Variants in ST6GALNAC3 observed in about 807,000 individuals in gnomAD.
ST6GALNAC3 encodes ST6 N-acetylgalactosaminide alpha-2,6-sialyltransferase 3, also known as alpha-N-acetylgalactosaminide alpha-2,6-sialyltransferase 3.
ST6GALNAC3 carries 25 observed loss-of-function variants against 32.7 expected under a neutral mutation model. That is an observed-to-expected ratio of 0.76 (90% CI 0.56 to 1.07). The LOEUF (loss-of-function observed/expected upper bound fraction) is 1.07. Ranked by LOEUF, ST6GALNAC3 falls within the 50% of genes least tolerant of loss-of-function variation. The pLI is 0.00. For missense variants in ST6GALNAC3, 355 were observed against 382.4 expected (o/e 0.93, Z 0.60); for synonymous variants, 129 against 133.1 (o/e 0.97, Z 0.21).
rs1649308289 is a variant in ST6GALNAC3 at position 76,631,703 on chromosome 1, A to G, written c.*2897A>G. On this transcript the variant is annotated 3_prime_UTR_variant, in exon 5 of 5. Transcript: ENST00000328299. Reference sequence around the variant, plus strand: ...ATTAATATCTGTGAAAAATAAAAATATTTCAATACTATCCGTGCTTCTTGG... The same window carrying G: ...ATTAATATCTGTGAAAAATAAAAATGTTTCAATACTATCCGTGCTTCTTGG... The G allele has an allele frequency of 6.6e-6, 1 of 152,106 alleles. No individual in the cohort carries two copies. The allele number at this position is 152,106 out of a possible 1,614,324, so 9.4% of individuals were successfully genotyped here. A position where few individuals can be genotyped will look rare whatever the true frequency, so the allele number is the denominator to read the frequency against.
At chr1:76,159,406 A>G (rs1194173421) in intron 1 of ST6GALNAC3, among the ~76,000 whole-genome samples, 1 of 151,980 alleles carries the variant, frequency 6.6e-6, no homozygotes, top group East Asian at 1.9e-4. Flanking sequence ...CTGGTCTCGA[A>G]CTCCTAGCCT....
At chr1:76,368,332 G>A (rs1441132846) in intron 2 of ST6GALNAC3, among the ~76,000 whole-genome samples, 3 of 152,188 alleles carry the variant, frequency 2.0e-5, no homozygotes, top group Non-Finnish European at 2.9e-5. Context: ...ATCCTTTAAG[G>A]TGTGGTATCT....
intron 3 of ST6GALNAC3, among the ~76,000 whole-genome samples, chr1:76,616,331 T>G (rs1173084456): frequency 6.6e-6 from 1 of 152,228 alleles, no homozygotes; most frequent in Non-Finnish European, 1.5e-5. Flanking sequence ...TTTTTAGAAC[T>G]GAAATTCCTT....
chr1:76,089,940 A>G (rs976005900), intron 1 of ST6GALNAC3, among the ~76,000 whole-genome samples: 2 of 152,246 alleles, frequency 1.3e-5, no homozygotes, highest in African/African-American at 4.8e-5. Flanking sequence ...TCCCCATTTT[A>G]TAAATGGAGA....
At chr1:76,088,176 C>G (rs2100740321) in intron 1 of ST6GALNAC3, among the ~76,000 whole-genome samples, 2 of 152,074 alleles carry the variant, frequency 1.3e-5, no homozygotes, top group South Asian at 4.2e-4. Context: ...GTTAAAGTTA[C>G]AAAACTATTC....
At chr1:76,282,860 C>G (rs1044036304) in intron 1 of ST6GALNAC3, among the ~76,000 whole-genome samples, 18 of 123,912 alleles carry the variant, frequency 1.5e-4, no homozygotes, top group Non-Finnish European at 2.7e-4. Flanking sequence ...GACATCCCAT[C>G]TCTACTAAAA....
intron 1 of ST6GALNAC3, among the ~76,000 whole-genome samples, chr1:76,122,222 A>G (rs1369705053): frequency 6.6e-6 from 1 of 152,194 alleles, no homozygotes; most frequent in Non-Finnish European, 1.5e-5. Context: ...TAAGAGCTCA[A>G]TGAGTATGTA....
intron 3 of ST6GALNAC3, among the ~76,000 whole-genome samples, chr1:76,599,174 CTCTT>C (rs1391921878): frequency 6.6e-6 from 1 of 151,458 alleles, no homozygotes; most frequent in African/African-American, 2.4e-5. Flanking sequence ...AATAAATTCT[CTCTT>C]GTAATTTTCT....
intron 1 of ST6GALNAC3, among the ~76,000 whole-genome samples, chr1:76,094,694 G>T (rs1647099120): frequency 1.3e-5 from 2 of 152,172 alleles, no homozygotes; most frequent in African/African-American, 4.8e-5. Flanking sequence ...TTGTTCTAAT[G>T]GAAGTGTGGC....
intron 3 of ST6GALNAC3, chr1:76,577,293 A>G (rs1646826824): frequency 2.0e-6 from 2 of 988,946 alleles, no homozygotes; most frequent in African/African-American, 3.5e-5. Flanking sequence ...TGTTTTGTAG[A>G]AAAGGCCATG....
chr1:76,452,943 A>G (rs762504728), intron 3 of ST6GALNAC3, among the ~76,000 whole-genome samples: 1 of 151,992 alleles, frequency 6.6e-6, no homozygotes, highest in Non-Finnish European at 1.5e-5. Context: ...TTTGATTACC[A>G]TTTCAGTCTT....
At chr1:76,128,042 A>G (rs1045490444) in intron 1 of ST6GALNAC3, among the ~76,000 whole-genome samples, 3 of 152,110 alleles carry the variant, frequency 2.0e-5, no homozygotes, top group Non-Finnish European at 4.4e-5. Flanking sequence ...CAGGCTGCCA[A>G]TCCCAGGTGG....
intron 3 of ST6GALNAC3, among the ~76,000 whole-genome samples, chr1:76,470,474 T>C (rs778285453): frequency 4.7e-4 from 72 of 152,262 alleles, no homozygotes; most frequent in Admixed American, 1.3e-3. Context: ...ATTCATTAAA[T>C]GAAACTCTTA....
chr1:76,232,414 G>C (rs951239211), intron 1 of ST6GALNAC3, among the ~76,000 whole-genome samples: 2 of 150,760 alleles, frequency 1.3e-5, no homozygotes, highest in African/African-American at 4.9e-5. Flanking sequence ...GTCCAGATGG[G>C]CAAATTGGGT....
At chr1:76,611,613 C>G (rs1647937951) in intron 3 of ST6GALNAC3, among the ~76,000 whole-genome samples, 1 of 152,162 alleles carries the variant, frequency 6.6e-6, no homozygotes, top group South Asian at 2.1e-4. Flanking sequence ...GTCCATTCCT[C>G]CATCCAAGGA....
chr1:76,127,759 T>G (rs892708253), intron 1 of ST6GALNAC3, among the ~76,000 whole-genome samples: 6 of 152,102 alleles, frequency 3.9e-5, no homozygotes, highest in African/African-American at 1.4e-4. Flanking sequence ...ACTGCCCACC[T>G]AGGGAGGCAG....
chr1:76,104,853 A>T (rs1216663003), intron 1 of ST6GALNAC3, among the ~76,000 whole-genome samples: 1 of 152,112 alleles, frequency 6.6e-6, no homozygotes, highest in Non-Finnish European at 1.5e-5. Context: ...CAGACAAGAG[A>T]AGAGAGCTTG....
chr1:76,081,328 T>C (rs1231492368), intron 1 of ST6GALNAC3, among the ~76,000 whole-genome samples: 1 of 148,284 alleles, frequency 6.7e-6, no homozygotes, highest in Non-Finnish European at 1.5e-5. Context: ...AGAAATCTCA[T>C]AATGTTTTAA....
intron 3 of ST6GALNAC3, among the ~76,000 whole-genome samples, chr1:76,529,769 C>T (rs886106451): frequency 7.9e-5 from 12 of 152,146 alleles, no homozygotes; most frequent in African/African-American, 2.9e-4. Context: ...AGCTCAGACC[C>T]TCTGGTTCCA....
Sources: gnomAD v4.1 joint callset for allele counts (sites outside exome capture counted in the v4.1 genomes callset) on GRCh38, gnomAD v4.1.1 for gene constraint, MANE v1.5 for transcripts, NCBI Gene and HGNC (gene_info 2026-07-23, HGNC 2026-07-21) for gene names.